STAM: variants seen among roughly 807,000 people sequenced by gnomAD.
STAM encodes the protein signal transducing adapter molecule 1.
A neutral mutation model predicts 63.4 loss-of-function variants in STAM; 16 were observed. That is an observed-to-expected ratio of 0.25 (90% CI 0.17 to 0.38). The LOEUF is 0.38. Among genes scored for constraint, STAM ranks in the 10% least tolerant of loss-of-function variants. The probability of loss-of-function intolerance (pLI) is 1.00; values close to 1 mark genes in which losing one functional copy is unlikely to be tolerated. For synonymous variants in STAM, 238 were observed against 223.9 expected (o/e 1.06, Z -0.56); for missense variants, 636 against 657.1 (o/e 0.97, Z 0.35).
chr10:17,693,486 T>C (rs1270943988), intron 6 of STAM, among the ~76,000 whole-genome samples, 174 bp downstream of exon 6: 1 of 152,226 alleles, frequency 6.6e-6, no homozygotes, highest in African/African-American at 2.4e-5. Context: ...ATGTATCCTT[T>C]CAGTCTATGT....
chr10:17,661,678 T>G (rs1834173095), intron 2 of STAM, among the ~76,000 whole-genome samples: 1 of 152,222 alleles, frequency 6.6e-6, no homozygotes, highest in South Asian at 2.1e-4. Flanking sequence ...TTCATTGCAC[T>G]AAAACTTGAG....
chr10:17,648,172 T>C (rs1554821122), intron 1 of STAM, among the ~76,000 whole-genome samples: 1 of 152,224 alleles, frequency 6.6e-6, no homozygotes, highest in Non-Finnish European at 1.5e-5. Flanking sequence ...TGAAACTAGC[T>C]GGACTTCCTG....
At chr10:17,677,889 T>C (rs1429402407) in intron 2 of STAM, among the ~76,000 whole-genome samples, 2 of 152,214 alleles carry the variant, frequency 1.3e-5, no homozygotes, top group African/African-American at 4.8e-5. Context: ...ATTACAGTGC[T>C]AACTAATTAT....
At chr10:17,700,074 C>A in intron 8 of STAM, 117 bp from the exon 9 acceptor site, 1 of 711,664 alleles carries the variant, frequency 1.4e-6, no homozygotes, top group South Asian at 2.5e-5. Flanking sequence ...TAAATTGCGC[C>A]TTTTAGCTTG....
chr10:17,660,440 T>G (rs1554822729), intron 1 of STAM, 24 bp from the exon 2 acceptor site: 2 of 1,492,808 alleles, frequency 1.3e-6, no homozygotes, highest in Non-Finnish European at 1.8e-6. Flanking sequence ...ATAATGTTTC[T>G]GCAATCCCCT....
rs913426969 is a variant in STAM, at chr10:17,700,867, A to G, written c.912+588A>G. On this transcript the variant is annotated intron_variant, in intron 9 of 13. Transcript: ENST00000377524. ...TTACTGTTGTAAAAATAAAATTGTC[A>G]TTAAATTACTTCTACATAAATCATT... Among the ~76,000 whole-genome samples, 4 of 152,340 alleles carry G rather than the reference A, an allele frequency of 2.6e-5. No homozygotes were observed. The South Asian group carries it at 6.2e-4, about 24-fold the overall frequency.
chr10:17,688,682 C>T (rs566548691), intron 5 of STAM, among the ~76,000 whole-genome samples: 70 of 151,446 alleles, frequency 4.6e-4, no homozygotes, highest in African/African-American at 1.4e-3. Context: ...AGGCTGGTTT[C>T]GAACTCCTGA....
At chr10:17,686,055 T>C (rs1835280426) in intron 4 of STAM, among the ~76,000 whole-genome samples, 1 of 152,202 alleles carries the variant, frequency 6.6e-6, no homozygotes, top group South Asian at 2.1e-4. Flanking sequence ...ATAGTAAGAA[T>C]GTAAAATTCT....
chr10:17,708,378 G>A (rs974596318), intron 12 of STAM, among the ~76,000 whole-genome samples: 1 of 152,190 alleles, frequency 6.6e-6, no homozygotes. Flanking sequence ...TTTAGGAAAT[G>A]TGACTTGTAT....
intron 1 of STAM, among the ~76,000 whole-genome samples, chr10:17,658,501 T>A (rs1356257898): frequency 6.6e-6 from 1 of 151,876 alleles, no homozygotes; most frequent in East Asian, 1.9e-4. Flanking sequence ...TTTCTGATTT[T>A]CTGCCTACCT....
chr10:17,662,582 T>C (rs1245417434), intron 2 of STAM, among the ~76,000 whole-genome samples: 2 of 152,212 alleles, frequency 1.3e-5, no homozygotes, highest in Non-Finnish European at 2.9e-5. Context: ...CTGTTGCACA[T>C]GGGAAAGAAG....
At chr10:17,702,635 G>A (rs1461759657) in intron 9 of STAM, among the ~76,000 whole-genome samples, 2 of 152,284 alleles carry the variant, frequency 1.3e-5, no homozygotes, top group East Asian at 1.9e-4. Flanking sequence ...TTTGAAGAGC[G>A]AAACAGACTG....
At chr10:17,678,106 C>A (rs1834927913) in intron 2 of STAM, among the ~76,000 whole-genome samples, 1 of 152,160 alleles carries the variant, frequency 6.6e-6, no homozygotes, top group South Asian at 2.1e-4. Flanking sequence ...GAAAGCTGTA[C>A]TCATTAGCAG....
At position 17,684,760 on chromosome 10, in the gene STAM, T is replaced by G; in HGVS notation, c.201+10T>G. 1 of 1,613,992 alleles carries G rather than the reference T, an allele frequency of 6.2e-7. No homozygotes were observed. The highest frequency in any genetic ancestry group is 1.3e-5 in the African/African-American group (1 of 75,032). On this transcript the variant is annotated intron_variant, in intron 3 of 13. Transcript: ENST00000377524. ...TATGCAGGCTTTGACTGTGAGTGGTTTCATTTTAATCTGTACCACGAAATT... is the reference window on the plus strand; with the variant it reads ...TATGCAGGCTTTGACTGTGAGTGGTGTCATTTTAATCTGTACCACGAAATT...
chr10:17,665,679 T>C (rs1554823308), intron 2 of STAM, among the ~76,000 whole-genome samples: 1 of 151,988 alleles, frequency 6.6e-6, no homozygotes, highest in African/African-American at 2.4e-5. Context: ...CACATATACA[T>C]AATTACTGAA....
At chr10:17,651,092 G>C (rs1833724676) in intron 1 of STAM, among the ~76,000 whole-genome samples, 1 of 120,718 alleles carries the variant, frequency 8.3e-6, no homozygotes, top group African/African-American at 3.1e-5. Context: ...AAAAAAAAAA[G>C]TTCTGAAGAA....
chr10:17,681,197 C>CTT (rs201425906), intron 2 of STAM, among the ~76,000 whole-genome samples: 6,914 of 123,580 alleles, frequency 0.056, 250 homozygotes, highest in Middle Eastern at 0.11. Flanking sequence ...TTGAGATCGT[C>CTT]TTTTTTTTTT....
chr10:17,658,198 T>C, intron 1 of STAM, among the ~76,000 whole-genome samples: 1 of 117,206 alleles, frequency 8.5e-6, no homozygotes, highest in South Asian at 2.4e-4. Context: ...TTCTTTTAAG[T>C]TTTTTTTTTA....
At chr10:17,711,342 T>A (rs1460287199) in intron 13 of STAM, among the ~76,000 whole-genome samples, 1 of 152,170 alleles carries the variant, frequency 6.6e-6, no homozygotes, top group Non-Finnish European at 1.5e-5. Flanking sequence ...CTGTTAGTAT[T>A]TTGAGACCAC....
Sources: gnomAD v4.1 joint callset for allele counts (sites outside exome capture counted in the v4.1 genomes callset) on GRCh38, gnomAD v4.1.1 for gene constraint, MANE v1.5 for transcripts, NCBI Gene and HGNC (gene_info 2026-07-23, HGNC 2026-07-21) for gene names.